The following THADA variants were observed in gnomAD, a reference collection of about 807,000 sequenced individuals.
THADA encodes the protein THADA armadillo repeat containing, also known as tRNA (32-2'-O)-methyltransferase regulator THADA.
A neutral mutation model predicts 219.8 loss-of-function variants in THADA; 213 were observed. That is an observed-to-expected ratio of 0.97 (90% CI 0.87 to 1.09). The LOEUF (loss-of-function observed/expected upper bound fraction) is 1.09, where lower values mean the gene tolerates loss of function less well. Ranked by LOEUF, THADA falls within the 50% of genes least tolerant of loss-of-function variation. The probability of loss-of-function intolerance (pLI) is 0.00; values close to 1 mark genes in which losing one functional copy is unlikely to be tolerated. For synonymous variants in THADA, 1,018 were observed against 828.9 expected, an observed-to-expected ratio of 1.23 and a Z score of -3.92; for missense variants, 2,956 against 2,311.3, an observed-to-expected ratio of 1.28 and a Z score of -5.72.
chr2:43,425,446 A>ATGTGTGTGTGTGTG (rs70963396), intron 28 of THADA, among the ~76,000 whole-genome samples: 110 of 140,512 alleles, frequency 7.8e-4, no homozygotes, highest in African/African-American at 2.8e-3. Flanking sequence ...TTAAAATTGT[A>ATGTGTGTGTGTGTG]TGTGTGTGTG....
intron 31 of THADA, among the ~76,000 whole-genome samples, chr2:43,313,263 G>T (rs982510863): frequency 7.2e-5 from 11 of 152,186 alleles, no homozygotes; most frequent in African/African-American, 2.4e-4. Context: ...TAATAAATGA[G>T]AGCCTGTCTT....
At chr2:43,519,630 A>G (rs984956345) in intron 22 of THADA, among the ~76,000 whole-genome samples, 2 of 152,214 alleles carry the variant, frequency 1.3e-5, no homozygotes, top group African/African-American at 4.8e-5. Context: ...CTAGGTTCAC[A>G]GTAACTGTGG....
chr2:43,343,063 T>C (rs903742273), intron 30 of THADA: 2 of 152,224 alleles, frequency 1.3e-5, no homozygotes, highest in Non-Finnish European at 2.9e-5. Context: ...GGTCTCACTC[T>C]GTCACCCAGT....
intron 29 of THADA, among the ~76,000 whole-genome samples, chr2:43,379,570 G>T (rs977009817): frequency 6.6e-6 from 1 of 152,222 alleles, no homozygotes; most frequent in African/African-American, 2.4e-5. Context: ...AGGACTGAGA[G>T]CAACAGGAAC....
chr2:43,482,974 G>A (rs991752389), intron 26 of THADA, among the ~76,000 whole-genome samples: 2 of 152,146 alleles, frequency 1.3e-5, no homozygotes, highest in African/African-American at 4.8e-5. Flanking sequence ...GGCCTATTAA[G>A]GTCATCTCCA....
chr2:43,343,678 A>C (rs1024976826), intron 30 of THADA: 2 of 152,858 alleles, frequency 1.3e-5, no homozygotes, highest in Non-Finnish European at 2.9e-5. Flanking sequence ...TACCCACCTA[A>C]GAAAGGCAAC....
chr2:43,320,213 C>A (rs1022380834), intron 31 of THADA, among the ~76,000 whole-genome samples: 1 of 152,194 alleles, frequency 6.6e-6, no homozygotes, highest in African/African-American at 2.4e-5. Flanking sequence ...GAGTAGAGTT[C>A]ACTCTTCCCT....
Position 43,400,470 on chromosome 2 carries a change from T to TATATATATATATATATAA in THADA, c.4059-2332_4059-2331insTTATATATATATATATAT, listed in dbSNP as rs1273903312. Reference sequence around the variant, plus strand: ...TCATAGACAAATTTATATATATATATATATATAAATATATACACTAAGAAA... The same window carrying TATATATATATATATATAA: ...TCATAGACAAATTTATATATATATATATATATATATATATATAAATATATAAATATATACACTAAGAAA... On this transcript the variant is annotated intron_variant, in intron 28 of 37. Coordinates refer to ENST00000405975, the MANE Select transcript of THADA (RefSeq NM_022065.5). 3.3e-3 allele frequency among the ~76,000 whole-genome samples: 467 copies of TATATATATATATATATAA among 143,414 alleles called. 11 individuals carry two copies. The highest frequency in any genetic ancestry group is 0.011 in the African/African-American group (432 of 38,800). 94.1% of individuals were successfully genotyped at this position (143,414 alleles called of 152,430 possible).
intron 36 of THADA, among the ~76,000 whole-genome samples, chr2:43,248,152 TATATATATATATAG>T (rs1669376711): frequency 5.6e-5 from 5 of 89,414 alleles, no homozygotes; most frequent in South Asian, 7.7e-4. Context: ...TATATATATA[TATATATATATATAG>T]AGAGAGAGAG....
intron 21 of THADA, among the ~76,000 whole-genome samples, chr2:43,530,853 C>A (rs965054953): frequency 6.6e-6 from 1 of 150,484 alleles, no homozygotes; most frequent in African/African-American, 2.5e-5. Context: ...TGGACCTCAA[C>A]CCTAGGTATT....
chr2:43,333,893 G>T (rs1026246162), intron 30 of THADA, among the ~76,000 whole-genome samples: 3 of 152,232 alleles, frequency 2.0e-5, no homozygotes, highest in Non-Finnish European at 4.4e-5. Context: ...CTAAAGGACA[G>T]TGGGAAAATG....
chr2:43,514,394 T>A (rs1690902463), intron 22 of THADA, among the ~76,000 whole-genome samples: 1 of 148,750 alleles, frequency 6.7e-6, no homozygotes, highest in African/African-American at 2.5e-5. Flanking sequence ...GAGGTTGCAG[T>A]GAGCTGAGAT....
chr2:43,378,421 C>T (rs1671626809), intron 29 of THADA, among the ~76,000 whole-genome samples: 1 of 152,154 alleles, frequency 6.6e-6, no homozygotes, highest in African/African-American at 2.4e-5. Context: ...TAAAGGACTT[C>T]ACCAAGTCTT....
chr2:43,498,240 G>A (rs1461157727), intron 25 of THADA, among the ~76,000 whole-genome samples: 1 of 152,034 alleles, frequency 6.6e-6, no homozygotes, highest in Non-Finnish European at 1.5e-5. Context: ...ATGAGAGATG[G>A]GAGTTAGTGT....
intron 26 of THADA, among the ~76,000 whole-genome samples, chr2:43,432,060 T>A (rs547573173): frequency 8.2e-6 from 1 of 121,412 alleles, no homozygotes; most frequent in Non-Finnish European, 1.7e-5. Flanking sequence ...GTTTCACCGT[T>A]TTAGCCGGGA....
intron 28 of THADA, among the ~76,000 whole-genome samples, chr2:43,424,364 T>C (rs1678136354): frequency 2.0e-5 from 3 of 152,200 alleles, no homozygotes; most frequent in African/African-American, 7.2e-5. Context: ...TGAAATTTTT[T>C]TCTTTGGCCA....
intron 13 of THADA, among the ~76,000 whole-genome samples, chr2:43,571,086 T>G (rs894880856): frequency 5.3e-5 from 8 of 151,934 alleles, no homozygotes; most frequent in Non-Finnish European, 1.2e-4. Context: ...CAAGACACTA[T>G]CTCTAAAAAA....
intron 36 of THADA, among the ~76,000 whole-genome samples, chr2:43,236,987 G>A (rs1194294379): frequency 6.6e-6 from 1 of 151,178 alleles, no homozygotes. Flanking sequence ...CAGGAGAATG[G>A]CGTGAACCCG....
intron 36 of THADA, among the ~76,000 whole-genome samples, chr2:43,266,690 G>A (rs1227161656): frequency 6.6e-6 from 1 of 152,158 alleles, no homozygotes; most frequent in African/African-American, 2.4e-5. Context: ...GAAAGGAGGA[G>A]TCTCCTAAAG....
Sources: gnomAD v4.1 joint callset for allele counts (sites outside exome capture counted in the v4.1 genomes callset) on GRCh38, gnomAD v4.1.1 for gene constraint, MANE v1.5 for transcripts, NCBI Gene and HGNC (gene_info 2026-07-23, HGNC 2026-07-21) for gene names.